The following LINGO2 variants were observed in gnomAD, a reference collection of about 807,000 sequenced individuals.
LINGO2 encodes the protein leucine rich repeat and Ig domain containing 2.
In LINGO2, 14 loss-of-function variants were observed where a neutral mutation model predicts 30.6. That is an observed-to-expected ratio of 0.46 (90% CI 0.30 to 0.72). The LOEUF is 0.72. Ranked by LOEUF, LINGO2 falls within the 30% of genes least tolerant of loss-of-function variation. LINGO2 has a pLI of 0.07. For synonymous variants in LINGO2, 317 were observed against 288.5 expected, an observed-to-expected ratio of 1.10 and a Z score of -1.00; for missense variants, 729 against 751.7, an observed-to-expected ratio of 0.97 and a Z score of 0.35.
chr9:28,746,214 A>G, the LINGO2 span, among the ~76,000 whole-genome samples: 104 of 152,128 alleles, frequency 6.8e-4, no homozygotes, highest in African/African-American at 2.2e-3. Context: ...ATGCTAGGTA[A>G]AGTAAGATAT....
intron 4 of LINGO2, among the ~76,000 whole-genome samples, chr9:28,104,255 G>GTTTTTTTTTTTTTTTTTTTTTTTT (rs1453019033): frequency 1.3e-5 from 1 of 75,158 alleles, no homozygotes; most frequent in Non-Finnish European, 2.8e-5. Flanking sequence ...CCCAGTACAA[G>GTTTTTTTTTTTTTTTTTTTTTTTT]TTTTTTGTTT....
chr9:28,454,120 G>T (rs1331773260), intron 2 of LINGO2, among the ~76,000 whole-genome samples: 1 of 151,930 alleles, frequency 6.6e-6, no homozygotes, highest in Non-Finnish European at 1.5e-5. Context: ...AGATAACCTA[G>T]AAGGTAAGTA....
chr9:28,722,283 T>C, the LINGO2 span, among the ~76,000 whole-genome samples: 1 of 152,162 alleles, frequency 6.6e-6, no homozygotes, highest in Non-Finnish European at 1.5e-5. Context: ...AAAGTATCCC[T>C]TCCTTTGGGA....
intron 1 of LINGO2, among the ~76,000 whole-genome samples, chr9:28,617,149 T>C (rs190569218): frequency 6.6e-6 from 1 of 152,266 alleles, no homozygotes; most frequent in African/African-American, 2.4e-5. Context: ...GCTAATAACA[T>C]ATTAAAACCA....
chr9:28,882,060 C>G, the LINGO2 span, among the ~76,000 whole-genome samples: 3 of 152,154 alleles, frequency 2.0e-5, no homozygotes, highest in Non-Finnish European at 4.4e-5. Flanking sequence ...AACTTTCACA[C>G]CAATGGTCAT....
chr9:28,971,225 A>G, the LINGO2 span, among the ~76,000 whole-genome samples: 1 of 152,202 alleles, frequency 6.6e-6, no homozygotes, highest in Non-Finnish European at 1.5e-5. Context: ...TTGAATAATC[A>G]AAAGTAATAC....
the LINGO2 span, among the ~76,000 whole-genome samples, chr9:28,769,966 T>C: frequency 6.6e-6 from 1 of 152,136 alleles, no homozygotes; most frequent in African/African-American, 2.4e-5. Flanking sequence ...CAAAGTTCTC[T>C]CTTCTGTTGT....
At chr9:28,076,537 A>T (rs915670587) in intron 4 of LINGO2, among the ~76,000 whole-genome samples, 2 of 151,890 alleles carry the variant, frequency 1.3e-5, no homozygotes, top group African/African-American at 4.8e-5. Flanking sequence ...GAATAGGTTT[A>T]AATCTCCCAA....
chr9:28,076,107 A>T (rs939911847), intron 4 of LINGO2, among the ~76,000 whole-genome samples: 1 of 152,042 alleles, frequency 6.6e-6, no homozygotes, highest in African/African-American at 2.4e-5. Context: ...CTTAATTACT[A>T]TTGTTTTAAA....
chr9:29,075,617 C>G, the LINGO2 span, among the ~76,000 whole-genome samples: 2 of 151,924 alleles, frequency 1.3e-5, no homozygotes, highest in African/African-American at 4.8e-5. Flanking sequence ...ATCTCATTGG[C>G]AAAATGATCT....
At chr9:28,762,849 G>A in the LINGO2 span, among the ~76,000 whole-genome samples, 1 of 151,948 alleles carries the variant, frequency 6.6e-6, no homozygotes, top group African/African-American at 2.4e-5. Flanking sequence ...GGTGATATGA[G>A]CCTGGACTTG....
intron 2 of LINGO2, among the ~76,000 whole-genome samples, chr9:28,402,094 C>A (rs560440630): frequency 1.3e-5 from 2 of 152,204 alleles, no homozygotes; most frequent in South Asian, 2.1e-4. Context: ...CTCACTAGGG[C>A]AACACAAGCA....
At chr9:28,732,527 A>G in the LINGO2 span, among the ~76,000 whole-genome samples, 1 of 152,154 alleles carries the variant, frequency 6.6e-6, no homozygotes, top group African/African-American at 2.4e-5. Context: ...TTGATGATAA[A>G]CTGAATAAGC....
the LINGO2 span, among the ~76,000 whole-genome samples, chr9:29,176,649 T>C: frequency 6.6e-6 from 1 of 152,192 alleles, no homozygotes; most frequent in Non-Finnish European, 1.5e-5. Flanking sequence ...AAATCTAGCA[T>C]CTAAGAAAGA....
chr9:28,819,242 G>T, the LINGO2 span, among the ~76,000 whole-genome samples: 1 of 152,028 alleles, frequency 6.6e-6, no homozygotes, highest in Non-Finnish European at 1.5e-5. Context: ...TGCTCTTGTT[G>T]ATCCTCTTCC....
At chr9:28,067,893 A>G (rs1825361106) in intron 4 of LINGO2, among the ~76,000 whole-genome samples, 1 of 152,176 alleles carries the variant, frequency 6.6e-6, no homozygotes, top group Non-Finnish European at 1.5e-5. Flanking sequence ...AGAAGATCAG[A>G]GAGTTAAAGT....
intron 2 of LINGO2, among the ~76,000 whole-genome samples, chr9:28,410,611 A>G (rs1211419091): frequency 6.6e-6 from 1 of 152,136 alleles, no homozygotes; most frequent in Admixed American, 6.6e-5. Context: ...CGTGACTGCC[A>G]GTGGCTCGTT....
intron 1 of LINGO2, among the ~76,000 whole-genome samples, chr9:28,596,273 G>A (rs1825171341): frequency 1.3e-5 from 2 of 152,006 alleles, no homozygotes; most frequent in Admixed American, 1.3e-4. Flanking sequence ...AAATTTTCTT[G>A]GCCACAGGGT....
At chr9:29,068,712 A>T in the LINGO2 span, among the ~76,000 whole-genome samples, 1 of 151,918 alleles carries the variant, frequency 6.6e-6, no homozygotes, top group Non-Finnish European at 1.5e-5. Context: ...ATTCAAATTC[A>T]TCCTGACAGC....
Sources: gnomAD v4.1 joint callset for allele counts (sites outside exome capture counted in the v4.1 genomes callset) on GRCh38, gnomAD v4.1.1 for gene constraint, MANE v1.5 for transcripts, NCBI Gene and HGNC (gene_info 2026-07-23, HGNC 2026-07-21) for gene names.